Variants in ATP1A3 observed in about 807,000 individuals in gnomAD.
The protein encoded by ATP1A3 is sodium/potassium-transporting ATPase subunit alpha-3.
In ATP1A3, 12 loss-of-function variants were observed where a neutral mutation model predicts 108.8. The observed-to-expected ratio is 0.11, with a 90% CI of 0.07 to 0.18. The LOEUF (loss-of-function observed/expected upper bound fraction) is 0.18, where lower values mean the gene tolerates loss of function less well. Among genes scored for constraint, ATP1A3 ranks in the 10% least tolerant of loss-of-function variants. The pLI is 1.00. For missense variants in ATP1A3, 498 were observed against 1,387.7 expected (o/e 0.36, Z 10.19); for synonymous variants, 539 against 564.5 (o/e 0.95, Z 0.64).
At chr19:41,975,150 C>T (rs1218609981) in intron 16 of ATP1A3, among the ~76,000 whole-genome samples, 3 of 152,090 alleles carry the variant, frequency 2.0e-5, no homozygotes, top group Non-Finnish European at 4.4e-5. Context: ...CTCCTGGGTT[C>T]AAGCAATTCT....
intron 11 of ATP1A3, among the ~76,000 whole-genome samples, chr19:41,980,999 ACTT>A (rs1381752387): frequency 2.7e-5 from 4 of 147,252 alleles, no homozygotes; most frequent in Non-Finnish European, 6.0e-5. Flanking sequence ...CTGTAGGAAA[ACTT>A]TTTTTTTTTT....
Position 41,968,121 on chromosome 19 carries a change from T to TA in ATP1A3, c.2820-359dup. ...GGACAGACACAGAGAGGCACTGGTATAAAAAGAAAAGGCCAGGGGCACCTC... is the reference window on the plus strand; with the variant it reads ...GGACAGACACAGAGAGGCACTGGTATAAAAAAGAAAAGGCCAGGGGCACCTC... On this transcript the variant is annotated intron_variant, in intron 20 of 22. Transcript: ENST00000648268. This position sits in a 1 kb window ranked among gnomAD's most constrained non-coding sequence, Gnocchi z 5.0. Among the ~76,000 whole-genome samples the TA allele has an allele frequency of 6.6e-6, 1 of 150,468 alleles. No individual in the cohort carries two copies.
At chr19:41,991,292 G>A (rs1056803222) in intron 1 of ATP1A3, among the ~76,000 whole-genome samples, 4 of 152,182 alleles carry the variant, frequency 2.6e-5, no homozygotes, top group African/African-American at 4.8e-5. Context: ...AGGCTGAGTC[G>A]GAGGGTGGGG....
At chr19:41,976,680 G>T in intron 14 of ATP1A3, 114 bp from the exon 15 acceptor site, 1 of 1,476,238 alleles carries the variant, frequency 6.8e-7, no homozygotes, top group Non-Finnish European at 9.2e-7. Flanking sequence ...AGAGCCAGAG[G>T]ACCAGGGGCT....
chr19:41,993,525 A>G (rs1249067468), intron 1 of ATP1A3: 2 of 1,239,526 alleles, frequency 1.6e-6, no homozygotes, highest in Non-Finnish European at 2.2e-6. Flanking sequence ...ACACACACAC[A>G]CACACACACA....
rs1161247972 is a variant in ATP1A3 at position 41,979,320 on chromosome 19, G to GT, written c.1438-523dup. ...GTCTGTGCTCCCCTCCTCCCACCCT[G>GT]TTTTTTTTTTTTAAGACAGGGTCTC... is the stretch of plus-strand genomic sequence containing the variant. On this transcript the variant is annotated intron_variant, in intron 11 of 22. Coordinates refer to ENST00000648268, the MANE Select transcript of ATP1A3 (RefSeq NM_152296.5). 1.4e-3 allele frequency among the ~76,000 whole-genome samples: 186 copies of GT among 136,458 alleles called. 2 individuals carry two copies. The highest frequency in any genetic ancestry group is 8.6e-3 in the East Asian group (40 of 4,664). 89.5% of individuals were successfully genotyped at this position (136,458 alleles called of 152,430 possible). A position where few individuals can be genotyped will look rare whatever the true frequency, so the allele number is the denominator to read the frequency against.
intron 16 of ATP1A3, among the ~76,000 whole-genome samples, chr19:41,972,229 A>G (rs1048071964): frequency 2.0e-5 from 3 of 152,166 alleles, no homozygotes; most frequent in Non-Finnish European, 4.4e-5. Context: ...CAGCCTGGGC[A>G]ACAGAGCAAG....
In ATP1A3 at chr19:41,981,696, G is replaced by T. The variant is rs773329251; in HGVS notation, c.1302+26C>A. 8.1e-6 allele frequency: 13 copies of T among 1,614,180 alleles called. No individual in the cohort carries two copies. The highest frequency in any genetic ancestry group is 1.7e-5 in the Admixed American group (1 of 60,018). On this transcript the variant is annotated intron_variant, in intron 10 of 22. Coordinates refer to ENST00000648268, the MANE Select transcript of ATP1A3 (RefSeq NM_152296.5). This position sits in a 1 kb window ranked among gnomAD's most constrained non-coding sequence, Gnocchi z 5.0. Reference sequence around the variant, plus strand: ...CTGAGGGGAGGACACAGGCAGGGCCGAGGTGAGGCCAGTAGCTGAACCCAC... The same window carrying T: ...CTGAGGGGAGGACACAGGCAGGGCCTAGGTGAGGCCAGTAGCTGAACCCAC...
intron 14 of ATP1A3, among the ~76,000 whole-genome samples, chr19:41,976,802 ATTAT>A (rs1396298138): frequency 2.6e-5 from 4 of 151,502 alleles, no homozygotes; most frequent in Admixed American, 2.0e-4. Context: ...TTATTTATTT[ATTAT>A]TTATTTATTT....
intron 8 of ATP1A3, among the ~76,000 whole-genome samples, chr19:41,983,176 C>T (rs2075251884): frequency 6.6e-6 from 1 of 151,976 alleles, no homozygotes; most frequent in South Asian, 2.1e-4. Flanking sequence ...CTCCCAGGTT[C>T]AAGCAATTCT....
intron 16 of ATP1A3, among the ~76,000 whole-genome samples, chr19:41,972,488 C>T (rs571698208): frequency 3.3e-5 from 5 of 151,896 alleles, no homozygotes; most frequent in African/African-American, 7.2e-5. Flanking sequence ...AAAGAACAGG[C>T]GGGCACGGTG....
At chr19:41,974,634 G>A (rs1329513950) in intron 16 of ATP1A3, among the ~76,000 whole-genome samples, 1 of 152,192 alleles carries the variant, frequency 6.6e-6, no homozygotes, top group Non-Finnish European at 1.5e-5. Context: ...GAGAGAAATT[G>A]GAAGAAAATC....
Position 41,993,530 on chromosome 19 carries a change from C to T in ATP1A3, c.6+541G>A. The T allele has an allele frequency of 2.4e-6, 3 of 1,261,108 alleles. No individual in the cohort carries two copies. The East Asian group carries it at 7.7e-5, about 32-fold the overall frequency. The allele number at this position is 1,261,108 out of a possible 1,614,324, so 78.1% of individuals were successfully genotyped here. ...ACACACACACACACACACACACACA[C>T]ACACACACACACACACACACTGCGG... On this transcript the variant is annotated intron_variant, in intron 1 of 22. Coordinates refer to ENST00000648268, the MANE Select transcript of ATP1A3 (RefSeq NM_152296.5).
intron 16 of ATP1A3, among the ~76,000 whole-genome samples, chr19:41,975,054 A>ATT (rs879966768): frequency 6.9e-6 from 1 of 145,010 alleles, no homozygotes; most frequent in Non-Finnish European, 1.5e-5. Flanking sequence ...GGGCTTGAGA[A>ATT]TTTTTTTTTT....
Position 41,985,723 on chromosome 19 carries a change from G to A in ATP1A3, c.606+141C>T. On this transcript the variant is annotated intron_variant, in intron 6 of 22. Coordinates refer to ENST00000648268, the MANE Select transcript of ATP1A3 (RefSeq NM_152296.5). The surrounding 1 kb of genome is among the most constrained non-coding windows in gnomAD (Gnocchi z 8.2). ...GCCTAAACTCCTGGGTCTGAGGGAG[G>A]AGGGCCTGGGGGCCTGGACTCCTGG... is the stretch of plus-strand genomic sequence containing the variant. The A allele has an allele frequency of 7.7e-7, 1 of 1,303,000 alleles. No individual in the cohort carries two copies. Among genetic ancestry groups the A allele is most frequent in the South Asian group, 1.4e-5 (1 of 69,880 alleles). 80.7% of individuals were successfully genotyped at this position (1,303,000 alleles called of 1,614,324 possible).
Position 41,985,260 on chromosome 19 carries a change from TC to T in ATP1A3, c.724+45del. The T allele has an allele frequency of 6.2e-7, 1 of 1,613,588 alleles. No individual in the cohort carries two copies. Among genetic ancestry groups the T allele is most frequent in the Non-Finnish European group, 8.5e-7 (1 of 1,179,574 alleles). ...TGGAGGCCTGACCCCCTGGGACACA[TC>T]CCTGTGTCTGCCCCAGCTGTGTGTC... On this transcript the variant is annotated intron_variant, in intron 7 of 22. Coordinates refer to ENST00000648268, the MANE Select transcript of ATP1A3 (RefSeq NM_152296.5). The surrounding 1 kb of genome is among the most constrained non-coding windows in gnomAD (Gnocchi z 8.2).
chr19:41,981,700 T>C lies in ATP1A3; in HGVS notation c.1302+22A>G, dbSNP rs1555863456. The C allele has an allele frequency of 3.1e-6, 5 of 1,613,902 alleles. No homozygotes were observed. Among genetic ancestry groups the C allele is most frequent in the Admixed American group, 1.7e-5 (1 of 59,982 alleles). The stretch of plus-strand genomic sequence containing the variant: ...GGGGAGGACACAGGCAGGGCCGAGG[T>C]GAGGCCAGTAGCTGAACCCACCTTG... On this transcript the variant is annotated intron_variant, in intron 10 of 22. Transcript: ENST00000648268. This position sits in a 1 kb window ranked among gnomAD's most constrained non-coding sequence, Gnocchi z 5.0.
chr19:41,990,750 TCCTC>T (rs1182247100), intron 1 of ATP1A3, among the ~76,000 whole-genome samples: 2 of 150,586 alleles, frequency 1.3e-5, no homozygotes, highest in Non-Finnish European at 3.0e-5. Context: ...TCTGGGATCT[TCCTC>T]TCTCTCTCTG....
At chr19:41,986,083 C>T (rs373981266) in intron 5 of ATP1A3, 33 bp downstream of exon 5, 31 of 1,613,726 alleles carry the variant, frequency 1.9e-5, no homozygotes, top group African/African-American at 6.7e-5. Context: ...TACACTAACA[C>T]CCCCGTCTGG....
Sources: allele counts gnomAD v4.1 joint callset (sites outside exome capture counted in the v4.1 genomes callset), GRCh38; gene constraint gnomAD v4.1.1; non-coding constraint Gnocchi (gnomAD v3.1); transcripts MANE v1.5; gene names NCBI Gene and HGNC (gene_info 2026-07-23, HGNC 2026-07-21).